The following PKNOX2 variants were observed in gnomAD, a reference collection of about 807,000 sequenced individuals.
The protein encoded by PKNOX2 is PBX/knotted 1 homeobox 2.
In PKNOX2, 14 loss-of-function variants were observed where a neutral mutation model predicts 53.1. The ratio of observed to expected loss-of-function variants is 0.26; its 90% CI spans 0.17 to 0.41. The LOEUF (loss-of-function observed/expected upper bound fraction) is 0.41, where lower values mean the gene tolerates loss of function less well. Among genes scored for constraint, PKNOX2 ranks in the 10% least tolerant of loss-of-function variants. The probability of loss-of-function intolerance (pLI) is 1.00; values close to 1 mark genes in which losing one functional copy is unlikely to be tolerated. For missense variants in PKNOX2, 496 were observed against 602.8 expected (o/e 0.82, Z 1.85); for synonymous variants, 257 against 242.8 (o/e 1.06, Z -0.54).
intron 10 of PKNOX2, among the ~76,000 whole-genome samples, chr11:125,416,967 C>CT (rs1455992588): frequency 1.3e-5 from 2 of 152,002 alleles, no homozygotes; most frequent in African/African-American, 2.4e-5. Flanking sequence ...ATCCCAGAGC[C>CT]TTTTTGCTGT....
rs1271065756 is a variant in PKNOX2 at position 125,358,214 on chromosome 11, T to C, written c.87+6822T>C. On this transcript the variant is annotated intron_variant, in intron 4 of 12. Coordinates refer to ENST00000298282, the MANE Select transcript of PKNOX2 (RefSeq NM_001382323.2). ...CTTTTTATTAGGAACATAATAGGCATGTCAAATAGGTTTTACCAGCTATGA... is the reference window on the plus strand; with the variant it reads ...CTTTTTATTAGGAACATAATAGGCACGTCAAATAGGTTTTACCAGCTATGA... 4.6e-5 allele frequency among the ~76,000 whole-genome samples: 7 copies of C among 152,178 alleles called. No homozygotes were observed. The South Asian group carries it at 1.2e-3, about 27-fold the overall frequency.
Position 125,431,453 on chromosome 11 carries a change from A to T in PKNOX2, c.*61A>T. On this transcript the variant is annotated 3_prime_UTR_variant, in exon 13 of 13. Transcript: ENST00000298282. ...AGAGGAGTGTCGCCGGGAGGCCTTC[A>T]GGGTGGGGGGGAAGGGGACATGGGC... is the stretch of plus-strand genomic sequence containing the variant. 2.2e-5 allele frequency: 3 copies of T among 134,418 alleles called. No homozygotes were observed. The highest frequency in any genetic ancestry group is 4.0e-5 in the Non-Finnish European group (3 of 74,548). 8.3% of individuals were successfully genotyped at this position (134,418 alleles called of 1,614,324 possible). A position where few individuals can be genotyped will look rare whatever the true frequency, so the allele number is the denominator to read the frequency against.
intron 2 of PKNOX2, chr11:125,330,114 G>C (rs901273839): frequency 2.0e-5 from 3 of 152,912 alleles, no homozygotes; most frequent in Non-Finnish European, 4.4e-5. Flanking sequence ...GGAGCATGGA[G>C]GGGAGAAGGG....
At chr11:125,400,188 C>G (rs955754213) in intron 7 of PKNOX2, among the ~76,000 whole-genome samples, 1 of 151,964 alleles carries the variant, frequency 6.6e-6, no homozygotes, top group Non-Finnish European at 1.5e-5. Flanking sequence ...GTGATGCAAG[C>G]GAGGCACTGA....
chr11:125,372,418 T>C (rs1247027985), intron 5 of PKNOX2, among the ~76,000 whole-genome samples: 3 of 152,242 alleles, frequency 2.0e-5, no homozygotes, highest in Admixed American at 6.5e-5. Context: ...TTTAGAATGG[T>C]GTTACTGATA....
At chr11:125,206,616 G>A (rs1441879646) in intron 1 of PKNOX2, among the ~76,000 whole-genome samples, 3 of 152,062 alleles carry the variant, frequency 2.0e-5, no homozygotes, top group Non-Finnish European at 2.9e-5. Context: ...TGCTACTTGC[G>A]AGCTGGTGAT....
rs116067366 is a variant in PKNOX2, at chr11:125,275,157, G to T, written c.-130+40042G>T. On this transcript the variant is annotated intron_variant, in intron 2 of 12. Coordinates refer to ENST00000298282, the MANE Select transcript of PKNOX2 (RefSeq NM_001382323.2). ...AATGTTAGGTCCTGACGAATGCTGG[G>T]AAGAAGGTAAAGCAGGCTCTGGTGG... 3.9e-3 allele frequency among the ~76,000 whole-genome samples: 594 copies of T among 152,340 alleles called. 6 individuals are homozygous for T. The highest frequency in any genetic ancestry group is 0.014 in the African/African-American group (579 of 41,574).
At chr11:125,426,232 G>C (rs530657733) in intron 10 of PKNOX2, among the ~76,000 whole-genome samples, 1 of 152,320 alleles carries the variant, frequency 6.6e-6, no homozygotes, top group African/African-American at 2.4e-5. Flanking sequence ...CAAGGCTCCT[G>C]CCTGGAACAT....
At chr11:125,221,883 C>T (rs1347537502) in intron 1 of PKNOX2, among the ~76,000 whole-genome samples, 2 of 152,200 alleles carry the variant, frequency 1.3e-5, no homozygotes, top group Non-Finnish European at 2.9e-5. Context: ...CCATGACCTA[C>T]AGCCCACTGC....
At chr11:125,392,910 G>A (rs561702481) in intron 6 of PKNOX2, among the ~76,000 whole-genome samples, 1 of 152,200 alleles carries the variant, frequency 6.6e-6, no homozygotes, top group African/African-American at 2.4e-5. Context: ...TGTAATCCCA[G>A]CACTTTGGGA....
In PKNOX2 at chr11:125,386,553, G is replaced by C. The variant is rs897757486; in HGVS notation, c.399+831G>C. On this transcript the variant is annotated intron_variant, in intron 6 of 12. Transcript: ENST00000298282. ...TCTTTATTTTTGTGGGTGGATTACC[G>C]AGGTTATGCACAGTGAATTTAGAAA... is the stretch of plus-strand genomic sequence containing the variant. Among the ~76,000 whole-genome samples, 4 of 152,236 alleles carry C rather than the reference G, an allele frequency of 2.6e-5. 1 individual carries two copies. In the South Asian group the frequency reaches 8.3e-4, roughly 32 times the overall value.
At chr11:125,254,018 G>C (rs75691019) in intron 2 of PKNOX2, among the ~76,000 whole-genome samples, 5 of 152,112 alleles carry the variant, frequency 3.3e-5, no homozygotes, top group Admixed American at 3.3e-4. Flanking sequence ...ATCCTGATGA[G>C]GTTCTTATGT....
intron 2 of PKNOX2, among the ~76,000 whole-genome samples, chr11:125,241,700 C>T (rs569926162): frequency 1.2e-4 from 19 of 152,188 alleles, no homozygotes; most frequent in East Asian, 3.9e-4. Flanking sequence ...ACTAAAAATA[C>T]GAAAATTAGC....
chr11:125,367,770 C>T lies in PKNOX2; in HGVS notation c.88-76C>T, dbSNP rs748693197. The T allele has an allele frequency of 3.4e-5, 52 of 1,507,540 alleles. No individual in the cohort carries two copies. In the South Asian group the frequency reaches 3.5e-4, roughly 10 times the overall value. 93.4% of individuals were successfully genotyped at this position (1,507,540 alleles called of 1,614,324 possible). On this transcript the variant is annotated intron_variant, in intron 4 of 12. Coordinates refer to ENST00000298282, the MANE Select transcript of PKNOX2 (RefSeq NM_001382323.2). ...CCTCCGGGCACAGCACAGGCCAAGG[C>T]GGACCTCACACTACAGCCTGGAGAC...
intron 2 of PKNOX2, among the ~76,000 whole-genome samples, chr11:125,274,645 T>C (rs1946038439): frequency 6.6e-6 from 1 of 152,252 alleles, no homozygotes; most frequent in African/African-American, 2.4e-5. Flanking sequence ...GGACTTGACC[T>C]GAGGCTGGGG....
At chr11:125,286,605 C>A (rs1591513012) in intron 2 of PKNOX2, among the ~76,000 whole-genome samples, 1 of 152,230 alleles carries the variant, frequency 6.6e-6, no homozygotes, top group Non-Finnish European at 1.5e-5. Context: ...GCCCTCCTCC[C>A]CACTGCCAGG....
intron 7 of PKNOX2, among the ~76,000 whole-genome samples, chr11:125,404,201 C>T (rs1277763290): frequency 6.6e-6 from 1 of 152,214 alleles, no homozygotes; most frequent in Non-Finnish European, 1.5e-5. Flanking sequence ...ATGAGCCACA[C>T]TGCCTGTCAC....
At chr11:125,197,311 T>C (rs899550957) in intron 1 of PKNOX2, among the ~76,000 whole-genome samples, 3 of 152,190 alleles carry the variant, frequency 2.0e-5, no homozygotes, top group Non-Finnish European at 4.4e-5. Flanking sequence ...CTGCCCAGGC[T>C]TAGGGGGTGG....
chr11:125,386,557 T>C (rs1953646235), intron 6 of PKNOX2, among the ~76,000 whole-genome samples: 1 of 152,144 alleles, frequency 6.6e-6, no homozygotes, highest in Non-Finnish European at 1.5e-5. Flanking sequence ...ATTACCGAGG[T>C]TATGCACAGT....
Sources: gnomAD v4.1 joint callset for allele counts (sites outside exome capture counted in the v4.1 genomes callset) on GRCh38, gnomAD v4.1.1 for gene constraint, MANE v1.5 for transcripts, NCBI Gene and HGNC (gene_info 2026-07-23, HGNC 2026-07-21) for gene names.